The following SNX29 variants were observed in gnomAD, a reference collection of about 807,000 sequenced individuals.
SNX29 encodes sorting nexin 29, also known as sorting nexin-29.
Under a neutral mutation model 102.1 loss-of-function variants are expected in SNX29, and 78 were observed. That is an observed-to-expected ratio of 0.76 (90% CI 0.64 to 0.92). The LOEUF (loss-of-function observed/expected upper bound fraction) is 0.92, where lower values mean the gene tolerates loss of function less well. Among genes scored for constraint, SNX29 ranks in the 40% least tolerant of loss-of-function variants. SNX29 has a pLI of 0.00. For synonymous variants in SNX29, 580 were observed against 414.5 expected (o/e 1.40, Z -4.85); for missense variants, 1,280 against 1,061.7 (o/e 1.21, Z -2.86).
chr16:12,102,537 A>G (rs957654863), intron 11 of SNX29, among the ~76,000 whole-genome samples: 3 of 151,906 alleles, frequency 2.0e-5, no homozygotes, highest in Non-Finnish European at 4.4e-5. Context: ...GCTTTTTTTC[A>G]TATGTTTGTT....
At chr16:12,441,402 T>C (rs1035353832) in intron 18 of SNX29, among the ~76,000 whole-genome samples, 6 of 152,106 alleles carry the variant, frequency 3.9e-5, no homozygotes, top group African/African-American at 1.4e-4. Flanking sequence ...TCATTCCTTT[T>C]AATGGCTGAA....
In SNX29 at chr16:12,442,544, G is replaced by T. The variant is rs563099660; in HGVS notation, c.2038-35175G>T. Among the ~76,000 whole-genome samples, 4 of 152,112 alleles carry T rather than the reference G, an allele frequency of 2.6e-5. No individual in the cohort carries two copies. In the East Asian group the frequency reaches 5.8e-4, roughly 22 times the overall value. On this transcript the variant is annotated intron_variant, in intron 18 of 20. Transcript: ENST00000566228. ...ACTCTGTTCTTACAGAGTCAAGGCA[G>T]CCATAGGCTATATGTAATGAATGGA...
intron 13 of SNX29, among the ~76,000 whole-genome samples, chr16:12,175,476 A>C (rs2141788678): frequency 6.6e-6 from 1 of 151,660 alleles, no homozygotes; most frequent in Admixed American, 6.6e-5. Flanking sequence ...TAAAAATACA[A>C]AACAAACAAA....
chr16:12,107,796 G>A (rs2053328179), intron 11 of SNX29, among the ~76,000 whole-genome samples: 1 of 152,086 alleles, frequency 6.6e-6, no homozygotes, highest in African/African-American at 2.4e-5. Flanking sequence ...ATCCTCCCCA[G>A]GCCCAGAAGC....
intron 10 of SNX29, among the ~76,000 whole-genome samples, chr16:12,073,440 A>C (rs1484595748): frequency 1.3e-5 from 2 of 152,154 alleles, no homozygotes; most frequent in Admixed American, 1.3e-4. Flanking sequence ...CCCAGTAGTC[A>C]TTCAGGAGCG....
At chr16:12,553,714 C>T (rs999050949) in intron 20 of SNX29, among the ~76,000 whole-genome samples, 9 of 151,676 alleles carry the variant, frequency 5.9e-5, no homozygotes, top group African/African-American at 1.2e-4. Flanking sequence ...CAGCCTACCA[C>T]GCAGCTGGGA....
At chr16:12,472,010 A>G (rs1466470098) in intron 18 of SNX29, among the ~76,000 whole-genome samples, 1 of 152,268 alleles carries the variant, frequency 6.6e-6, no homozygotes, top group Non-Finnish European at 1.5e-5. Context: ...TAGTTGCTTT[A>G]TTCATGAAAG....
At chr16:12,491,195 A>G (rs374943762) in intron 19 of SNX29, among the ~76,000 whole-genome samples, 3 of 152,148 alleles carry the variant, frequency 2.0e-5, no homozygotes. Flanking sequence ...GTCGTTTGCA[A>G]TTTTTCCCTA....
Position 12,243,796 on chromosome 16 carries a change from C to G in SNX29, c.1679-34137C>G, listed in dbSNP as rs182986569. Among the ~76,000 whole-genome samples, 580 of 152,330 alleles carry G rather than the reference C, an allele frequency of 3.8e-3. 2 individuals are homozygous for G. The highest frequency in any genetic ancestry group is 4.8e-3 in the Non-Finnish European group (328 of 68,026). ...GCACCAGGTGGCTTCTCTGCTCAGA[C>G]AGAAGCACCTCCTGGTGCACCTGCA... On this transcript the variant is annotated intron_variant, in intron 14 of 20. Coordinates refer to ENST00000566228, the MANE Select transcript of SNX29 (RefSeq NM_032167.5).
chr16:12,556,878 G>T (rs2078388437), intron 20 of SNX29, among the ~76,000 whole-genome samples: 1 of 151,864 alleles, frequency 6.6e-6, no homozygotes, highest in African/African-American at 2.4e-5. Context: ...TTTGAGATAG[G>T]GTCTCCGTCT....
chr16:12,451,728 G>A (rs1337990175), intron 18 of SNX29, among the ~76,000 whole-genome samples: 1 of 152,194 alleles, frequency 6.6e-6, no homozygotes, highest in Non-Finnish European at 1.5e-5. Context: ...GCCGGGCATG[G>A]TGATGCACAC....
intron 12 of SNX29, among the ~76,000 whole-genome samples, chr16:12,128,241 A>G (rs2054303082): frequency 6.6e-6 from 1 of 152,224 alleles, no homozygotes; most frequent in African/African-American, 2.4e-5. Flanking sequence ...GGAAGAAGCC[A>G]TAGATTTTGT....
intron 20 of SNX29, among the ~76,000 whole-genome samples, chr16:12,548,176 C>G (rs2077728635): frequency 6.6e-6 from 1 of 152,246 alleles, no homozygotes; most frequent in South Asian, 2.1e-4. Flanking sequence ...CACATTTGCT[C>G]TCTTGCTCAT....
intron 11 of SNX29, among the ~76,000 whole-genome samples, chr16:12,109,578 A>G (rs934918121): frequency 1.3e-5 from 2 of 151,994 alleles, no homozygotes; most frequent in Non-Finnish European, 2.9e-5. Context: ...CACTAGTCCT[A>G]ATTGTCTACA....
chr16:12,092,285 A>AGAAGGAGG (rs55837073), intron 11 of SNX29, among the ~76,000 whole-genome samples: 35,768 of 151,536 alleles, frequency 0.24, 4,284 homozygotes, highest in African/African-American at 0.29. Context: ...AGACATTTAA[A>AGAAGGAGG]GAAGGAAGGA....
chr16:12,240,160 T>C (rs776896187), intron 14 of SNX29, among the ~76,000 whole-genome samples: 53 of 152,364 alleles, frequency 3.5e-4, no homozygotes, highest in Admixed American at 8.5e-4. Flanking sequence ...TTATTTGTTG[T>C]TATTACTGCC....
intron 18 of SNX29, among the ~76,000 whole-genome samples, chr16:12,443,771 G>C (rs1466616674): frequency 6.6e-6 from 1 of 152,364 alleles, no homozygotes; most frequent in Middle Eastern, 3.4e-3. Flanking sequence ...TTTAAAGCCA[G>C]TCCAAACTCT....
intron 20 of SNX29, among the ~76,000 whole-genome samples, chr16:12,555,234 G>A (rs1038479222): frequency 1.3e-5 from 2 of 151,778 alleles, no homozygotes; most frequent in Admixed American, 6.6e-5. Flanking sequence ...AGGGAGAAAT[G>A]GAGGTGAGAG....
At chr16:12,564,825 A>G (rs2078925122) in intron 20 of SNX29, among the ~76,000 whole-genome samples, 1 of 149,114 alleles carries the variant, frequency 6.7e-6, no homozygotes, top group Non-Finnish European at 1.5e-5. Context: ...TCGGTGGTAC[A>G]CAACGCTGAA....
Sources: gnomAD v4.1 joint callset for allele counts (sites outside exome capture counted in the v4.1 genomes callset) on GRCh38, gnomAD v4.1.1 for gene constraint, MANE v1.5 for transcripts, NCBI Gene and HGNC (gene_info 2026-07-23, HGNC 2026-07-21) for gene names.